The following GLOD4 variants were observed in gnomAD, a reference collection of about 807,000 sequenced individuals.
The protein encoded by GLOD4 is glyoxalase domain-containing protein 4.
GLOD4 carries 44 observed loss-of-function variants against 39.1 expected under a neutral mutation model. The observed-to-expected ratio is 1.13, with a 90% CI of 0.88 to 1.45. GLOD4 has a LOEUF of 1.45. GLOD4 is among the 40% of genes most tolerant of loss of function. The probability of loss-of-function intolerance (pLI) is 0.00; values close to 1 mark genes in which losing one functional copy is unlikely to be tolerated. For synonymous variants in GLOD4, 145 were observed against 135.0 expected (o/e 1.07, Z -0.52); for missense variants, 405 against 366.4 (o/e 1.11, Z -0.86).
At chr17:782,839 A>C, upstream of GLOD4, 1 of 975,558 alleles carries the variant, frequency 1.0e-6, no homozygotes, top group Non-Finnish European at 1.5e-6. Context: ...GCGTCTTTGG[A>C]ATTAGCTTCT....
At chr17:770,853 T>G (rs1907838219) in intron 5 of GLOD4, 1 of 228,294 alleles carries the variant, frequency 4.4e-6, no homozygotes, top group African/African-American at 2.3e-5. Flanking sequence ...ATTACTGAAA[T>G]ATGTCTCTAA....
At chr17:780,769 C>G in intron 1 of GLOD4, 1 of 144,868 alleles carries the variant, frequency 6.9e-6, no homozygotes, top group Middle Eastern at 8.3e-4. Context: ...AAAAAGTCAA[C>G]TCGAATACAA....
chr17:766,364 G>A (rs1186092567), intron 8 of GLOD4, among the ~76,000 whole-genome samples: 1 of 151,980 alleles, frequency 6.6e-6, no homozygotes, highest in African/African-American at 2.4e-5. Context: ...GGGAGGCCAA[G>A]GCAGACGGAT....
chr17:782,293 GC>G, upstream of GLOD4: 1 of 1,611,840 alleles, frequency 6.2e-7, no homozygotes, highest in Non-Finnish European at 8.5e-7. Context: ...GCACCGTACA[GC>G]CCAGTCCACG....
Position 775,869 on chromosome 17 carries a change from C to T in GLOD4, c.312G>A (p.Glu104=). The change falls in exon 4 of 9, where the codon GAG becomes GAA. Residue 104 remains glutamate (E), a synonymous_variant. Transcript: ENST00000301329. Reference sequence around the variant, plus strand: ...CTTCTGCAACTTCCGTCAGTGGCCACTCCAGCTTCCTGGCGTTGCTGACAG... The same window carrying T: ...CTTCTGCAACTTCCGTCAGTGGCCATTCCAGCTTCCTGGCGTTGCTGACAG... ...SQAVSNARKL[E]WPLTEVAEGV... is the part of the protein sequence containing the mutation. 1 of 1,613,448 alleles carries T rather than the reference C, an allele frequency of 6.2e-7. No individual in the cohort carries two copies. The highest frequency in any genetic ancestry group is 8.5e-7 in the Non-Finnish European group (1 of 1,179,342).
At chr17:782,518 T>C, upstream of GLOD4, 1 of 1,613,282 alleles carries the variant, frequency 6.2e-7, no homozygotes. Flanking sequence ...TCCGGAGAGG[T>C]GGTGGAACAG....
At chr17:782,707 G>A, upstream of GLOD4, 2 of 1,579,946 alleles carry the variant, frequency 1.3e-6, no homozygotes, top group Non-Finnish European at 1.7e-6. Flanking sequence ...TGTGGTTCTT[G>A]AGCCTGTCGA....
chr17:772,187 G>GAAAAAAAAAAA (rs58914913), intron 4 of GLOD4, among the ~76,000 whole-genome samples: 1 of 50,866 alleles, frequency 2.0e-5, no homozygotes, highest in African/African-American at 8.5e-5. Context: ...ACCCTATCTC[G>GAAAAAAAAAAA]AAAAAAAAAA....
rs1909069362 is a variant in GLOD4 at position 776,935 on chromosome 17, T to C, written c.194A>G (p.Asp65Gly). ...KTMVGFGPED[D>G]HFVAELTYNY... is the part of the protein sequence containing the mutation. ...GTAAGTCAGTTCTGCGACAAAATGA[T>C]CATCCTCAGGCCCAAATCCCACCAT... is the stretch of plus-strand genomic sequence containing the variant. Residue 65 changes from aspartate to glycine, a missense_variant, in exon 3 of 9, where the codon GAT (aspartate) becomes GGT (glycine). Asp to Gly is a moderately conservative substitution (Grantham distance 94). Coordinates refer to ENST00000301329, the MANE Select transcript of GLOD4 (RefSeq NM_016080.4). 1 of 1,608,278 alleles carries C rather than the reference T, an allele frequency of 6.2e-7. No homozygotes were observed. Among genetic ancestry groups the C allele is most frequent in the African/African-American group, 1.3e-5 (1 of 74,784 alleles).
chr17:781,007 G>T (rs907599476), intron 1 of GLOD4, among the ~76,000 whole-genome samples: 1 of 136,640 alleles, frequency 7.3e-6, no homozygotes, highest in African/African-American at 2.8e-5. Context: ...TGCAACCTCC[G>T]CCTCCCAGAT....
intron 1 of GLOD4, among the ~76,000 whole-genome samples, chr17:779,320 A>T (rs1245292162): frequency 3.1e-3 from 8 of 2,620 alleles, no homozygotes; most frequent in South Asian, 0.038. Context: ...ATCTCAAATT[A>T]AAAAAAAAAA....
intron 3 of GLOD4, 50 bp downstream of exon 3, chr17:776,818 C>T (rs375023942): frequency 8.2e-6 from 12 of 1,455,024 alleles, no homozygotes; most frequent in African/African-American, 7.0e-5. Context: ...AAATTTACAA[C>T]CAGCCACCTA....
At chr17:782,573 C>CAGT (rs1170994629), upstream of GLOD4, 2 of 1,613,966 alleles carry the variant, frequency 1.2e-6, no homozygotes, top group African/African-American at 2.7e-5. Flanking sequence ...CATCTGAGGC[C>CAGT]AGTGCCCAGG....
intron 4 of GLOD4, among the ~76,000 whole-genome samples, chr17:772,845 A>C (rs1327705967): frequency 1.3e-5 from 2 of 152,064 alleles, no homozygotes; most frequent in Non-Finnish European, 2.9e-5. Flanking sequence ...AATACAAAAA[A>C]TTAGCCGGGC....
chr17:766,072 C>T (rs1906482856), intron 8 of GLOD4, among the ~76,000 whole-genome samples: 3 of 148,566 alleles, frequency 2.0e-5, no homozygotes, highest in South Asian at 4.3e-4. Flanking sequence ...CAAGATGGAT[C>T]GAATGATTGA....
chr17:768,442 A>G lies in GLOD4; in HGVS notation c.831+1427T>C, dbSNP rs561908648. Among the ~76,000 whole-genome samples, 35 of 128,292 alleles carry G rather than the reference A, an allele frequency of 2.7e-4. 2 individuals carry two copies. Among genetic ancestry groups the G allele is most frequent in the African/African-American group, 5.0e-4 (17 of 33,768 alleles). The allele number at this position is 128,292 out of a possible 152,430, so 84.2% of individuals were successfully genotyped here. On this transcript the variant is annotated intron_variant, in intron 8 of 8. Transcript: ENST00000301329. ...TTTTTAGAAGAAATCTGGAGAGGAC[A>G]TAAGAGGGAGAAACAGCGCGCACTC...
At position 782,276 on chromosome 17, in the gene GLOD4, G is replaced by T. The variant is rs369917025; in HGVS notation, c.-21C>A. ...GCCATGATTCCCGCCGCACGCAGCC[G>T]TCACGCGCACCGTACAGCCCAGTCC... On this transcript the variant is annotated 5_prime_UTR_variant, in exon 1 of 9. Transcript: ENST00000301329. 1 of 1,612,430 alleles carries T rather than the reference G, an allele frequency of 6.2e-7. No homozygotes were observed. Among genetic ancestry groups the T allele is most frequent in the Non-Finnish European group, 8.5e-7 (1 of 1,179,016 alleles).
At chr17:783,026 T>C (rs538886061), upstream of GLOD4, 2 of 1,554,106 alleles carry the variant, frequency 1.3e-6, no homozygotes, top group East Asian at 2.3e-5. Context: ...ACTAAGCGTG[T>C]CTCAGTAACA....
At chr17:775,271 A>AC (rs56770425) in intron 4 of GLOD4, among the ~76,000 whole-genome samples, 18 of 151,600 alleles carry the variant, frequency 1.2e-4, no homozygotes, top group Admixed American at 5.9e-4. Flanking sequence ...AAAAAAAAAA[A>AC]GCAAAAAGAA....
Sources: allele counts gnomAD v4.1 joint callset (sites outside exome capture counted in the v4.1 genomes callset), GRCh38; gene constraint gnomAD v4.1.1; transcripts MANE v1.5; gene names NCBI Gene and HGNC (gene_info 2026-07-23, HGNC 2026-07-21).